Variants in RBFOX1 observed in about 807,000 individuals in gnomAD.
RBFOX1 encodes the protein RNA binding protein fox-1 homolog 1.
A neutral mutation model predicts 57.7 loss-of-function variants in RBFOX1; 8 were observed. The ratio of observed to expected loss-of-function variants is 0.14; its 90% CI spans 0.08 to 0.25. The LOEUF (loss-of-function observed/expected upper bound fraction) is 0.25. RBFOX1 is among the 10% of genes least tolerant of loss of function. The pLI is 1.00. For synonymous variants in RBFOX1, 326 were observed against 222.4 expected (o/e 1.47, Z -4.15); for missense variants, 611 against 548.5 (o/e 1.11, Z -1.14).
intron 1 of RBFOX1, among the ~76,000 whole-genome samples, chr16:6,245,511 C>T (rs910396877): frequency 2.6e-5 from 4 of 152,178 alleles, no homozygotes; most frequent in East Asian, 1.9e-4. Context: ...ATGCCCTTTG[C>T]CTCTAGGGAT....
At chr16:6,174,194 G>T (rs1037730529) in intron 1 of RBFOX1, among the ~76,000 whole-genome samples, 5 of 152,140 alleles carry the variant, frequency 3.3e-5, no homozygotes, top group South Asian at 2.1e-4. Flanking sequence ...GAATTTGCTG[G>T]TTTTTTGGTT....
intron 1 of RBFOX1, among the ~76,000 whole-genome samples, chr16:6,223,916 A>G (rs541924014): frequency 2.6e-5 from 4 of 152,298 alleles, no homozygotes; most frequent in Admixed American, 2.0e-4. Flanking sequence ...AGCTTTCTCC[A>G]TATGGCTAGC....
At chr16:5,727,244 C>T (rs12934017) in intron 3 of RBFOX1, among the ~76,000 whole-genome samples, 46,920 of 151,950 alleles carry the variant, frequency 0.31, 8,225 homozygotes, top group East Asian at 0.8. Flanking sequence ...TGCACTCCAG[C>T]CTGGGCAACA....
chr16:6,359,433 G>A (rs572349411), intron 2 of RBFOX1, among the ~76,000 whole-genome samples: 4 of 152,220 alleles, frequency 2.6e-5, no homozygotes, highest in South Asian at 2.1e-4. Flanking sequence ...TTCATTACTC[G>A]GTGAAGGTGG....
At chr16:7,520,449 G>A (rs1390883032) in intron 5 of RBFOX1, among the ~76,000 whole-genome samples, 3 of 152,020 alleles carry the variant, frequency 2.0e-5, no homozygotes, top group Admixed American at 6.6e-5. Flanking sequence ...CCGGCCCCTG[G>A]CAACCACCAA....
intron 2 of RBFOX1, among the ~76,000 whole-genome samples, chr16:6,554,064 G>C (rs1333085940): frequency 6.6e-6 from 1 of 150,404 alleles, no homozygotes; most frequent in African/African-American, 2.5e-5. Context: ...ATAAATAAGT[G>C]CTGGCCTTAA....
At chr16:6,251,076 T>A (rs1483121950) in intron 1 of RBFOX1, among the ~76,000 whole-genome samples, 3 of 152,144 alleles carry the variant, frequency 2.0e-5, no homozygotes, top group Non-Finnish European at 4.4e-5. Context: ...TACCACTTAA[T>A]GAGAGCTTGT....
At chr16:7,517,915 A>C (rs537853430) in intron 4 of RBFOX1, among the ~76,000 whole-genome samples, 2 of 151,798 alleles carry the variant, frequency 1.3e-5, no homozygotes, top group African/African-American at 4.8e-5. Flanking sequence ...CTTTATCTTT[A>C]TCTTTCCAAG....
intron 3 of RBFOX1, among the ~76,000 whole-genome samples, chr16:6,779,819 T>A (rs1280541279): frequency 6.2e-5 from 2 of 32,164 alleles, no homozygotes; most frequent in African/African-American, 2.9e-4. Context: ...ATATATATAT[T>A]TATATATATT....
intron 3 of RBFOX1, among the ~76,000 whole-genome samples, chr16:5,789,688 C>T (rs573838716): frequency 1.3e-5 from 2 of 152,292 alleles, no homozygotes; most frequent in Non-Finnish European, 1.5e-5. Flanking sequence ...TAGTATCGCA[C>T]TTCTCTTGAT....
chr16:7,158,640 T>C (rs1340958899), intron 4 of RBFOX1, among the ~76,000 whole-genome samples: 1 of 151,984 alleles, frequency 6.6e-6, no homozygotes, highest in African/African-American at 2.4e-5. Flanking sequence ...TGTGTGTGTT[T>C]TGTGGTGTGT....
In RBFOX1 at chr16:6,813,501, G is replaced by C. The variant is rs139296393; in HGVS notation, c.-16+158851G>C. ...GACAGGGCCAATGGCTCTTTCCCCA[G>C]CCCTATGCTATGATCTGTCACCTGG... On this transcript the variant is annotated intron_variant, in intron 3 of 15. Coordinates refer to ENST00000550418, the MANE Select transcript of RBFOX1 (RefSeq NM_018723.4). Among the ~76,000 whole-genome samples the C allele has an allele frequency of 1.1e-4, 16 of 152,226 alleles. No individual in the cohort carries two copies. The East Asian group carries it at 3.1e-3, about 29-fold the overall frequency.
intron 4 of RBFOX1, among the ~76,000 whole-genome samples, chr16:7,389,893 G>A (rs1244711966): frequency 1.3e-5 from 2 of 152,146 alleles, no homozygotes; most frequent in African/African-American, 2.4e-5. Context: ...GATGGGGGTT[G>A]TAGTAGTCCA....
intron 2 of RBFOX1, among the ~76,000 whole-genome samples, chr16:5,526,388 A>G (rs1486154084): frequency 6.6e-6 from 1 of 152,148 alleles, no homozygotes; most frequent in African/African-American, 2.4e-5. Flanking sequence ...TCCCGGGGTC[A>G]AGTGATTCTC....
At chr16:7,221,111 T>G (rs913659881) in intron 4 of RBFOX1, among the ~76,000 whole-genome samples, 2 of 152,126 alleles carry the variant, frequency 1.3e-5, no homozygotes, top group African/African-American at 4.8e-5. Flanking sequence ...TTGATTTGAT[T>G]TGCTGCGTTT....
chr16:5,372,961 A>G (rs886717110), intron 1 of RBFOX1, among the ~76,000 whole-genome samples: 10 of 152,240 alleles, frequency 6.6e-5, no homozygotes, highest in African/African-American at 1.9e-4. Flanking sequence ...GGACCTTTCC[A>G]GACACAGGCT....
intron 2 of RBFOX1, among the ~76,000 whole-genome samples, chr16:6,443,687 A>G (rs76737255): frequency 0.036 from 5,550 of 152,278 alleles, 358 homozygotes; most frequent in African/African-American, 0.13. Context: ...AATGATAGAG[A>G]AAAATGCTCT....
chr16:5,629,917 CAGTT>C (rs886263919), intron 3 of RBFOX1, among the ~76,000 whole-genome samples: 3 of 152,166 alleles, frequency 2.0e-5, no homozygotes, highest in Non-Finnish European at 2.9e-5. Flanking sequence ...AGGGAGGAGT[CAGTT>C]AGCTGATGTT....
intron 11 of RBFOX1, among the ~76,000 whole-genome samples, chr16:7,637,968 G>T (rs1315481980): frequency 6.6e-6 from 1 of 152,190 alleles, no homozygotes; most frequent in Admixed American, 6.5e-5. Context: ...GGAGCCTTAA[G>T]ATCCCATATG....
Sources: gnomAD v4.1 joint callset for allele counts (sites outside exome capture counted in the v4.1 genomes callset) on GRCh38, gnomAD v4.1.1 for gene constraint, MANE v1.5 for transcripts, NCBI Gene and HGNC (gene_info 2026-07-23, HGNC 2026-07-21) for gene names.